Variants in DISC1 observed in about 807,000 individuals in gnomAD.
The protein encoded by DISC1 is DISC1 scaffold protein, also known as disrupted in schizophrenia 1 protein.
Under a neutral mutation model 84.5 loss-of-function variants are expected in DISC1, and 57 were observed. That is an observed-to-expected ratio of 0.67 (90% confidence interval 0.55 to 0.84). The LOEUF (loss-of-function observed/expected upper bound fraction) is 0.84. Among genes scored for constraint, DISC1 ranks in the 40% least tolerant of loss-of-function variants. The pLI is 0.00. For missense variants in DISC1, 1,000 were observed against 1,057.8 expected, an observed-to-expected ratio of 0.95 and a Z score of 0.76; for synonymous variants, 411 against 415.2, an observed-to-expected ratio of 0.99 and a Z score of 0.12.
chr1:231,998,999 T>A (rs1666317442), intron 10 of DISC1, among the ~76,000 whole-genome samples: 1 of 151,914 alleles, frequency 6.6e-6, no homozygotes, highest in Admixed American at 6.6e-5. Context: ...GCTCAGCAAA[T>A]TTATATGGAA....
Position 231,827,304 on chromosome 1 carries a change from A to G in DISC1, c.1981+8787A>G, listed in dbSNP as rs892645577. 2.0e-5 allele frequency among the ~76,000 whole-genome samples: 3 copies of G among 152,336 alleles called. No homozygotes were observed. The South Asian group carries it at 6.2e-4, about 32-fold the overall frequency. ...CCCAGCATAAATAAAAAAAATTTAA[A>G]CTATTATATAATTTAGGATTTTCAG... is the stretch of plus-strand genomic sequence containing the variant. On this transcript the variant is annotated intron_variant, in intron 9 of 12. Transcript: ENST00000439617.
In DISC1 at chr1:231,986,237, G is replaced by C. The variant is rs138648247; in HGVS notation, c.2043-22548G>C. 5.8e-4 allele frequency among the ~76,000 whole-genome samples: 89 copies of C among 152,210 alleles called. 2 individuals are homozygous for C. The East Asian group carries it at 0.012, about 21-fold the overall frequency. On this transcript the variant is annotated intron_variant, in intron 10 of 12. Transcript: ENST00000439617. ...CCTGTCCCCAGCTTCTCCTGTCTGG[G>C]GATCTCAAGTTGGGAATGGTCATCT...
chr1:231,670,886 T>C (rs1208593938), intron 1 of DISC1: 2 of 152,222 alleles, frequency 1.3e-5, no homozygotes, highest in Admixed American at 1.3e-4. Flanking sequence ...TGTTTTAGTA[T>C]CCAAATCCAT....
chr1:231,767,829 A>G (rs1465586864), intron 5 of DISC1, among the ~76,000 whole-genome samples: 1 of 152,272 alleles, frequency 6.6e-6, no homozygotes, highest in Non-Finnish European at 1.5e-5. Flanking sequence ...CTTGTCTGCC[A>G]GGCCAATTTG....
At position 231,975,322 on chromosome 1, in the gene DISC1, T is replaced by C. The variant is rs370578071; in HGVS notation, c.2042+16434T>C. On this transcript the variant is annotated intron_variant, in intron 10 of 12. Transcript: ENST00000439617. ...TATCTAAAAGACAAAAAATAACAGA[T>C]TTTGATGAAGATGTATTGTAGAGAA... Among the ~76,000 whole-genome samples, 3 of 152,156 alleles carry C rather than the reference T, an allele frequency of 2.0e-5. No individual in the cohort carries two copies. The South Asian group carries it at 6.2e-4, about 32-fold the overall frequency.
chr1:231,759,994 C>T (rs2075514221), intron 4 of DISC1, among the ~76,000 whole-genome samples: 2 of 152,164 alleles, frequency 1.3e-5, no homozygotes, highest in Admixed American at 1.3e-4. Context: ...TGTTCAAACT[C>T]AACTGAAGTC....
At chr1:231,930,260 A>G (rs1262494226) in intron 9 of DISC1, among the ~76,000 whole-genome samples, 1 of 152,110 alleles carries the variant, frequency 6.6e-6, no homozygotes, top group African/African-American at 2.4e-5. Context: ...AGGGAAGTTT[A>G]GTGGGCTCAG....
At chr1:231,901,130 C>A (rs2088139681) in intron 9 of DISC1, among the ~76,000 whole-genome samples, 1 of 152,166 alleles carries the variant, frequency 6.6e-6, no homozygotes, top group African/African-American at 2.4e-5. Flanking sequence ...GCAGATAGTT[C>A]TCAAATGTTA....
intron 9 of DISC1, among the ~76,000 whole-genome samples, chr1:231,839,879 T>C (rs954826254): frequency 3.9e-5 from 6 of 151,912 alleles, no homozygotes; most frequent in Non-Finnish European, 8.8e-5. Flanking sequence ...AACAACCGGA[T>C]CTTGTGTGAA....
intron 9 of DISC1, among the ~76,000 whole-genome samples, chr1:231,900,276 C>T (rs201013711): frequency 4.6e-5 from 7 of 152,222 alleles, no homozygotes; most frequent in Non-Finnish European, 8.8e-5. Context: ...AGCTAGCGCA[C>T]ATTCCCCGTT....
intron 9 of DISC1, among the ~76,000 whole-genome samples, chr1:231,862,795 A>G (rs2084763944): frequency 2.0e-5 from 3 of 152,344 alleles, no homozygotes; most frequent in South Asian, 4.1e-4. Flanking sequence ...GACTTGCACC[A>G]TGGAGTGATG....
intron 3 of DISC1, chr1:231,745,590 T>A (rs1259275516): frequency 6.2e-6 from 1 of 162,070 alleles, no homozygotes; most frequent in Non-Finnish European, 1.4e-5. Context: ...CTCTAAAATA[T>A]ACTATTGTGA....
intron 1 of DISC1, among the ~76,000 whole-genome samples, chr1:231,643,648 G>A (rs1217368991): frequency 6.6e-6 from 1 of 152,234 alleles, no homozygotes; most frequent in East Asian, 1.9e-4. Context: ...GCCAGCTCTT[G>A]TGTCACTTAT....
chr1:231,757,474 C>G (rs2075258841), intron 4 of DISC1, among the ~76,000 whole-genome samples: 1 of 152,168 alleles, frequency 6.6e-6, no homozygotes, highest in Admixed American at 6.5e-5. Context: ...TTTTGAGAAA[C>G]ACTGTTTAAT....
chr1:231,752,636 C>A (rs1442037042), intron 4 of DISC1, among the ~76,000 whole-genome samples: 1 of 152,160 alleles, frequency 6.6e-6, no homozygotes, highest in Non-Finnish European at 1.5e-5. Flanking sequence ...ATGTTTTTCT[C>A]ACATTGCAAA....
At chr1:231,794,434 T>C (rs1465251828) in intron 6 of DISC1, among the ~76,000 whole-genome samples, 2 of 152,198 alleles carry the variant, frequency 1.3e-5, no homozygotes, top group Non-Finnish European at 2.9e-5. Context: ...ATTCCCCTTA[T>C]AGTAATTTTT....
intron 9 of DISC1, among the ~76,000 whole-genome samples, chr1:231,955,702 C>A (rs1472112819): frequency 6.6e-6 from 1 of 152,022 alleles, no homozygotes; most frequent in Non-Finnish European, 1.5e-5. Flanking sequence ...GTTGGCCAGG[C>A]TGGTCTTGAA....
intron 8 of DISC1, among the ~76,000 whole-genome samples, chr1:231,800,435 G>A (rs1016201123): frequency 6.6e-6 from 1 of 152,152 alleles, no homozygotes; most frequent in Non-Finnish European, 1.5e-5. Context: ...AGAGTTTAGA[G>A]ACTAAATGTA....
At chr1:231,915,256 C>CA (rs1175537070) in intron 9 of DISC1, among the ~76,000 whole-genome samples, 1 of 152,148 alleles carries the variant, frequency 6.6e-6, no homozygotes, top group Admixed American at 6.5e-5. Flanking sequence ...GGGGATTGTG[C>CA]AGCTTCTATC....
Sources: gnomAD v4.1 joint callset for allele counts (sites outside exome capture counted in the v4.1 genomes callset) on GRCh38, gnomAD v4.1.1 for gene constraint, MANE v1.5 for transcripts, NCBI Gene and HGNC (gene_info 2026-07-23, HGNC 2026-07-21) for gene names.